MYBL2: variants seen among roughly 807,000 people sequenced by gnomAD.
MYBL2 encodes the protein myb-related protein B.
A neutral mutation model predicts 79.9 loss-of-function variants in MYBL2; 28 were observed. The observed-to-expected ratio is 0.35, with a 90% confidence interval of 0.26 to 0.48. The LOEUF (loss-of-function observed/expected upper bound fraction) is 0.48, where lower values mean the gene tolerates loss of function less well. MYBL2 is among the 20% of genes least tolerant of loss of function. The probability of loss-of-function intolerance (pLI) is 0.99; values close to 1 mark genes in which losing one functional copy is unlikely to be tolerated. For synonymous variants in MYBL2, 378 were observed against 361.2 expected (o/e 1.05, Z -0.53); for missense variants, 735 against 893.9 (o/e 0.82, Z 2.27).
chr20:43,682,092 CTG>C (rs1445626364), intron 3 of MYBL2, among the ~76,000 whole-genome samples: 3 of 152,250 alleles, frequency 2.0e-5, no homozygotes, highest in East Asian at 3.8e-4. Flanking sequence ...TCTTCAGGCT[CTG>C]AGACATTTGC....
intron 4 of MYBL2, among the ~76,000 whole-genome samples, chr20:43,686,608 A>T (rs1406067113): frequency 6.6e-6 from 1 of 152,136 alleles, no homozygotes; most frequent in African/African-American, 2.4e-5. Context: ...GGTCTCTGGT[A>T]TTCTTGGCCT....
chr20:43,692,508 A>G (rs1192081076), intron 6 of MYBL2, among the ~76,000 whole-genome samples, 189 bp downstream of exon 6: 1 of 152,250 alleles, frequency 6.6e-6, no homozygotes, highest in Non-Finnish European at 1.5e-5. Flanking sequence ...GAAGGATAGC[A>G]GAGCAAGCTG....
chr20:43,679,585 A>G (rs1987098209), intron 2 of MYBL2, among the ~76,000 whole-genome samples: 1 of 152,022 alleles, frequency 6.6e-6, no homozygotes, highest in Admixed American at 6.6e-5. Context: ...CTTGGAAAAC[A>G]TAGCAAGACC....
chr20:43,705,386 G>T, intron 9 of MYBL2, 28 bp downstream of exon 9: 1 of 1,572,842 alleles, frequency 6.4e-7, no homozygotes, highest in Middle Eastern at 1.8e-4. Flanking sequence ...CCCAACCTTC[G>T]CCGTCCTCTC....
At chr20:43,674,602 G>T (rs1429403077) in intron 2 of MYBL2, among the ~76,000 whole-genome samples, 1 of 151,672 alleles carries the variant, frequency 6.6e-6, no homozygotes, top group African/African-American at 2.4e-5. Context: ...CACCATGCTG[G>T]CCAGGCTGGT....
At chr20:43,710,596 T>C (rs540820701) in intron 10 of MYBL2, among the ~76,000 whole-genome samples, 1 of 152,202 alleles carries the variant, frequency 6.6e-6, no homozygotes, top group East Asian at 1.9e-4. Flanking sequence ...AACACACAGG[T>C]GTTTTAGAAA....
In MYBL2 at chr20:43,705,324, C is replaced by G. The variant is rs764728244; in HGVS notation, c.1471C>G (p.Arg491Gly). The G allele has an allele frequency of 5.0e-6, 8 of 1,613,520 alleles. No homozygotes were observed. In the Admixed American group the frequency reaches 5.0e-5, roughly 10 times the overall value. ...GGTGGTGGTCACCACACCACTGCACCGGGACAAGACACCCCTGCACCAGAA... is the reference window on the plus strand; with the variant it reads ...GGTGGTGGTCACCACACCACTGCACGGGGACAAGACACCCCTGCACCAGAA... ...QKVVVTTPLH[R>G]DKTPLHQKHA... The change falls in exon 9 of 14, where the codon CGG becomes GGG. Residue 491 changes from arginine (R) to glycine (G), a missense_variant. Arg to Gly is a moderately radical substitution (Grantham distance 125). This residue lies in a region of MYBL2 where 243 missense variants were observed against 327.2 expected (regional missense o/e 0.74). Coordinates refer to ENST00000217026, the MANE Select transcript of MYBL2 (RefSeq NM_002466.4).
intron 9 of MYBL2, among the ~76,000 whole-genome samples, chr20:43,706,903 A>G (rs1457557397): frequency 6.6e-6 from 1 of 150,874 alleles, no homozygotes; most frequent in Admixed American, 6.6e-5. Context: ...TTTAGTAGAA[A>G]CGAGGTTTCA....
Position 43,692,064 on chromosome 20 carries a change from GA to G in MYBL2, c.501-92del, listed in dbSNP as rs1247780739. ...CATCTAGTGGAAGATTCATTTACAG[GA>G]GCAGGAACTTGGCTTAGGGAGGTTA... On this transcript the variant is annotated intron_variant, in intron 5 of 13. Coordinates refer to ENST00000217026, the MANE Select transcript of MYBL2 (RefSeq NM_002466.4). The G allele has an allele frequency of 2.5e-6, 3 of 1,199,626 alleles. No individual in the cohort carries two copies. In the African/African-American group the frequency reaches 4.6e-5, roughly 18 times the overall value. The allele number at this position is 1,199,626 out of a possible 1,614,324, so 74.3% of individuals were successfully genotyped here.
At chr20:43,701,194 C>T (rs994501166) in intron 7 of MYBL2, among the ~76,000 whole-genome samples, 1 of 152,214 alleles carries the variant, frequency 6.6e-6, no homozygotes, top group African/African-American at 2.4e-5. Flanking sequence ...CAATGACCTT[C>T]AGCGCCTGTT....
intron 6 of MYBL2, among the ~76,000 whole-genome samples, chr20:43,695,676 A>G (rs1468234746): frequency 2.2e-5 from 2 of 91,528 alleles, no homozygotes; most frequent in Non-Finnish European, 4.4e-5. Context: ...ACATAGGGAG[A>G]CTGTCTTTAC....
At chr20:43,714,732 A>G (rs1987988772) in intron 12 of MYBL2, among the ~76,000 whole-genome samples, 1 of 151,934 alleles carries the variant, frequency 6.6e-6, no homozygotes, top group Non-Finnish European at 1.5e-5. Context: ...CCAGGTTCGC[A>G]CCATTCTTCT....
At chr20:43,674,224 T>TCCC (rs149334286) in intron 2 of MYBL2, among the ~76,000 whole-genome samples, 3,095 of 57,964 alleles carry the variant, frequency 0.053, 287 homozygotes, top group Non-Finnish European at 0.066. Flanking sequence ...AATCTGTAAC[T>TCCC]CCCCCCACCC....
chr20:43,697,908 C>A (rs1239297420), intron 6 of MYBL2, among the ~76,000 whole-genome samples: 1 of 144,236 alleles, frequency 6.9e-6, no homozygotes, highest in African/African-American at 2.7e-5. Flanking sequence ...GAGTGAGACT[C>A]CATCTCAAAA....
At chr20:43,698,269 C>T (rs923798473) in intron 6 of MYBL2, among the ~76,000 whole-genome samples, 1 of 149,590 alleles carries the variant, frequency 6.7e-6, no homozygotes, top group East Asian at 2.0e-4. Context: ...AGGCTGGTCT[C>T]GAACTCCTGG....
intron 8 of MYBL2, among the ~76,000 whole-genome samples, chr20:43,704,857 A>G (rs1987745099): frequency 1.3e-5 from 2 of 152,162 alleles, no homozygotes; most frequent in African/African-American, 4.8e-5. Flanking sequence ...TACAACTGTC[A>G]CATGCCTTTT....
rs533591491 is a variant in MYBL2, at chr20:43,709,993, G to A, written c.1536G>A (p.Met512Ile). The A allele has an allele frequency of 1.2e-6, 2 of 1,609,112 alleles. No homozygotes were observed. Among genetic ancestry groups the A allele is most frequent in the East Asian group, 2.2e-5 (1 of 44,728 alleles). The change falls in exon 10 of 14, where the codon ATG becomes ATA. Residue 512 changes from methionine (M) to isoleucine (I), a missense_variant. Met to Ile is a conservative substitution (Grantham distance 10). Transcript: ENST00000217026. ...TAACCCCAGATCAGAAGTACTCCAT[G>A]GACAACACTCCCCACACGCCAACCC... The part of the protein sequence containing the change: ...AFVTPDQKYS[M>I]DNTPHTPTPF...
intron 2 of MYBL2, among the ~76,000 whole-genome samples, chr20:43,677,724 G>A (rs2145710254): frequency 6.6e-6 from 1 of 151,170 alleles, no homozygotes; most frequent in South Asian, 2.1e-4. Context: ...CGTCCGGGAG[G>A]TGAGGGGCGC....
chr20:43,708,911 C>T (rs1568878208), intron 9 of MYBL2, among the ~76,000 whole-genome samples: 1 of 152,214 alleles, frequency 6.6e-6, no homozygotes, highest in Non-Finnish European at 1.5e-5. Context: ...TGTCTTCACT[C>T]TTCCTTACAG....
Sources: allele counts gnomAD v4.1 joint callset (sites outside exome capture counted in the v4.1 genomes callset), GRCh38; gene constraint gnomAD v4.1.1; regional missense constraint gnomAD v4.1.1; transcripts MANE v1.5; gene names NCBI Gene and HGNC (gene_info 2026-07-23, HGNC 2026-07-21).